NRIP1: variants seen among roughly 807,000 people sequenced by gnomAD.
The protein encoded by NRIP1 is nuclear receptor interacting protein 1, also known as nuclear receptor-interacting protein 1.
A neutral mutation model predicts 75.0 loss-of-function variants in NRIP1; 28 were observed. The observed-to-expected ratio is 0.37, with a 90% CI of 0.28 to 0.51. The LOEUF is 0.51. Among genes scored for constraint, NRIP1 ranks in the 20% least tolerant of loss-of-function variants. NRIP1 has a pLI of 0.92. For synonymous variants in NRIP1, 526 were observed against 487.6 expected (o/e 1.08, Z -1.04); for missense variants, 1,435 against 1,343.7 (o/e 1.07, Z -1.06).
intron 3 of NRIP1, among the ~76,000 whole-genome samples, chr21:15,005,940 T>C (rs1179356889): frequency 6.6e-6 from 1 of 152,188 alleles, no homozygotes; most frequent in Non-Finnish European, 1.5e-5. Flanking sequence ...CTTAAAGCTC[T>C]ATTTGTATCT....
At chr21:14,989,967 G>A (rs1456836965) in intron 3 of NRIP1, among the ~76,000 whole-genome samples, 1 of 152,048 alleles carries the variant, frequency 6.6e-6, no homozygotes, top group East Asian at 1.9e-4. Context: ...AAAGAAACAT[G>A]AAAGAGAATA....
chr21:14,988,420 TTTAGA>T (rs1184538367), intron 3 of NRIP1, among the ~76,000 whole-genome samples: 1 of 96,524 alleles, frequency 1.0e-5, no homozygotes, highest in African/African-American at 4.1e-5. Context: ...GTCTTTTGTC[TTTAGA>T]TAGATAGATA....
chr21:15,047,160 T>C (rs1479379428), intron 1 of NRIP1, among the ~76,000 whole-genome samples: 1 of 152,158 alleles, frequency 6.6e-6, no homozygotes. Flanking sequence ...CTTAAAATCA[T>C]GGCAGAAGGT....
At chr21:15,003,877 A>G (rs2087904300) in intron 3 of NRIP1, among the ~76,000 whole-genome samples, 1 of 152,228 alleles carries the variant, frequency 6.6e-6, no homozygotes, top group Non-Finnish European at 1.5e-5. Flanking sequence ...AGGACAGTAA[A>G]TTAGAAATTA....
intron 2 of NRIP1, among the ~76,000 whole-genome samples, chr21:15,034,761 G>A (rs772468768): frequency 1.7e-4 from 25 of 151,436 alleles, no homozygotes; most frequent in Admixed American, 1.1e-3. Flanking sequence ...CATGGACCGA[G>A]GTTTGTGGAA....
In NRIP1 at chr21:14,966,575, T is replaced by A; in HGVS notation, c.1618A>T (p.Ile540Leu). The change falls in exon 4 of 4, where the codon ATA becomes TTA. Residue 540 changes from isoleucine (I) to leucine (L), a missense_variant. Transcript: ENST00000318948. ...GTCCGATTTGTACTGGGGCTTTCTA[T>A]CACAGAAGTCCTTGCATAATTTTGT... ...NTQNYARTSV[I>L]ESPSTNRTTP... 1 of 1,614,138 alleles carries A rather than the reference T, an allele frequency of 6.2e-7. No homozygotes were observed. The highest frequency in any genetic ancestry group is 1.1e-5 in the South Asian group (1 of 91,082).
intron 1 of NRIP1, among the ~76,000 whole-genome samples, chr21:15,060,410 A>G (rs898467064): frequency 2.6e-5 from 4 of 152,094 alleles, no homozygotes; most frequent in African/African-American, 9.7e-5. Flanking sequence ...ATCATAGGTA[A>G]TGTGCTTAAA....
At chr21:15,030,854 C>CCACATTCCCTTTCTATGTGTA (rs2088634377) in intron 2 of NRIP1, among the ~76,000 whole-genome samples, 1 of 148,330 alleles carries the variant, frequency 6.7e-6, no homozygotes, top group Admixed American at 6.7e-5. Flanking sequence ...TGGAGGATCA[C>CCACATTCCCTTTCTATGTGTA]TACCTTCCCC....
chr21:14,978,472 T>C (rs1600822794), intron 3 of NRIP1, among the ~76,000 whole-genome samples: 1 of 152,166 alleles, frequency 6.6e-6, no homozygotes, highest in Non-Finnish European at 1.5e-5. Flanking sequence ...GGTCACAGAA[T>C]TGCAAACAGA....
At chr21:15,009,745 C>G (rs2088058006) in intron 3 of NRIP1, among the ~76,000 whole-genome samples, 1 of 151,862 alleles carries the variant, frequency 6.6e-6, no homozygotes, top group African/African-American at 2.4e-5. Flanking sequence ...TAGAACATGA[C>G]AAAATAATTT....
chr21:15,038,364 C>T lies in NRIP1; in HGVS notation c.-458+5131G>A, dbSNP rs140835825. Among the ~76,000 whole-genome samples, 509 of 152,120 alleles carry T rather than the reference C, an allele frequency of 3.3e-3. 3 individuals carry two copies. The highest frequency in any genetic ancestry group is 6.5e-3 in the Admixed American group (100 of 15,274). ...AAAATGAAAGCCAAACTATACTTCTCTTTCCAAAGAGGAAATTTGGAAAAA... is the reference window on the plus strand; with the variant it reads ...AAAATGAAAGCCAAACTATACTTCTTTTTCCAAAGAGGAAATTTGGAAAAA... On this transcript the variant is annotated intron_variant, in intron 2 of 3. Coordinates refer to ENST00000318948, the MANE Select transcript of NRIP1 (RefSeq NM_003489.4).
intron 3 of NRIP1, chr21:14,971,333 T>C (rs1044524372): frequency 2.0e-5 from 3 of 152,146 alleles, no homozygotes; most frequent in African/African-American, 7.2e-5. Flanking sequence ...AAAAAATATA[T>C]AGATGAGATA....
In NRIP1 at chr21:14,967,070, C is replaced by T. The variant is rs2086771179; in HGVS notation, c.1123G>A (p.Ala375Thr). 3 of 1,613,940 alleles carry T rather than the reference C, an allele frequency of 1.9e-6. No homozygotes were observed. Among genetic ancestry groups the T allele is most frequent in the Admixed American group, 1.7e-5 (1 of 59,976 alleles). The change falls in exon 4 of 4, where the codon GCT (alanine) becomes ACT (threonine). Residue 375 changes from alanine to threonine, a missense_variant. Coordinates refer to ENST00000318948, the MANE Select transcript of NRIP1 (RefSeq NM_003489.4). Reference protein sequence around the residue: ...SLERNNIKQAANNSLLLHLLK... With the variant: ...SLERNNIKQATNNSLLLHLLK... ...AGATGTAAAAGCAAACTATTGTTAG[C>T]AGCTTGTTTTATATTGTTTCTTTCC...
chr21:15,013,536 G>A (rs1299836164), intron 3 of NRIP1, among the ~76,000 whole-genome samples: 2 of 152,038 alleles, frequency 1.3e-5, no homozygotes, highest in Admixed American at 6.5e-5. Context: ...TATTCACAAC[G>A]GATTATGAGC....
At chr21:15,019,939 G>A (rs2088331793) in intron 2 of NRIP1, among the ~76,000 whole-genome samples, 1 of 152,118 alleles carries the variant, frequency 6.6e-6, no homozygotes, top group South Asian at 2.1e-4. Flanking sequence ...AGAGGCAGGA[G>A]TAAAACATGT....
intron 1 of NRIP1, among the ~76,000 whole-genome samples, chr21:15,053,516 T>G (rs927859162): frequency 1.3e-5 from 2 of 152,170 alleles, no homozygotes; most frequent in African/African-American, 4.8e-5. Context: ...GGGTGTCTGC[T>G]GAGGAATCCA....
chr21:15,065,711 A>G (rs992585951), upstream of NRIP1: 2 of 152,314 alleles, frequency 1.3e-5, no homozygotes, highest in Non-Finnish European at 1.5e-5. Context: ...TGGGAGGAAA[A>G]CTAGGAAGGA....
chr21:14,980,459 C>T (rs556396961), intron 3 of NRIP1, among the ~76,000 whole-genome samples: 5 of 151,372 alleles, frequency 3.3e-5, no homozygotes, highest in Non-Finnish European at 7.4e-5. Flanking sequence ...GGTGACAGAG[C>T]GAGACTCCGT....
At position 14,965,156 on chromosome 21, in the gene NRIP1, T is replaced by G. The variant is rs754776045; in HGVS notation, c.3037A>C (p.Thr1013Pro). 6.2e-7 allele frequency: 1 copy of G among 1,613,000 alleles called. No individual in the cohort carries two copies. The highest frequency in any genetic ancestry group is 8.5e-7 in the Non-Finnish European group (1 of 1,179,908). Residue 1013 changes from threonine to proline, a missense_variant, in exon 4 of 4, where the codon ACT becomes CCT. Coordinates refer to ENST00000318948, the MANE Select transcript of NRIP1 (RefSeq NM_003489.4). ...PGVVKTPVSP[T>P]FPEHLGCAGS... ...GCACAGCCCAAGTGCTCAGGGAAAGTAGGACTCACAGGAGTTTTTACTACA... is the reference window on the plus strand; with the variant it reads ...GCACAGCCCAAGTGCTCAGGGAAAGGAGGACTCACAGGAGTTTTTACTACA...
Sources: gnomAD v4.1 joint callset for allele counts (sites outside exome capture counted in the v4.1 genomes callset) on GRCh38, gnomAD v4.1.1 for gene constraint, MANE v1.5 for transcripts, NCBI Gene and HGNC (gene_info 2026-07-23, HGNC 2026-07-21) for gene names.